Variants in ABL2 observed in about 807,000 individuals in gnomAD.
ABL2 encodes ABL proto-oncogene 2, non-receptor tyrosine kinase, also known as tyrosine-protein kinase ABL2.
In ABL2, 49 loss-of-function variants were observed where a neutral mutation model predicts 107.7. The observed-to-expected ratio is 0.45, with a 90% CI of 0.36 to 0.58. The LOEUF is 0.58. ABL2 is among the 20% of genes least tolerant of loss of function. The probability of loss-of-function intolerance (pLI) is 0.00; values close to 1 mark genes in which losing one functional copy is unlikely to be tolerated. For synonymous variants in ABL2, 549 were observed against 548.6 expected, an observed-to-expected ratio of 1.00 and a Z score of -0.01; for missense variants, 1,245 against 1,457.0, an observed-to-expected ratio of 0.85 and a Z score of 2.37.
At chr1:179,127,074 G>A (rs1050588383) in intron 3 of ABL2, among the ~76,000 whole-genome samples, 2 of 152,094 alleles carry the variant, frequency 1.3e-5, no homozygotes, top group African/African-American at 4.8e-5. Flanking sequence ...TCTTATATAT[G>A]ATTCAATGTT....
chr1:179,143,165 G>C, intron 1 of ABL2: 1 of 1,299,218 alleles, frequency 7.7e-7, no homozygotes, highest in Non-Finnish European at 1.0e-6. Context: ...AGTGGCCAGA[G>C]GGAACCAATA....
intron 1 of ABL2, among the ~76,000 whole-genome samples, chr1:179,153,675 C>T (rs1313824304): frequency 6.6e-6 from 1 of 151,994 alleles, no homozygotes. Flanking sequence ...CCAAAAATTC[C>T]CCCCACCTGC....
intron 1 of ABL2, among the ~76,000 whole-genome samples, chr1:179,214,519 CATATATAT>C (rs59744061): frequency 0.11 from 12,940 of 122,102 alleles, 744 homozygotes; most frequent in Non-Finnish European, 0.12. Context: ...TTTAAAATGA[CATATATAT>C]ATATATATAT....
At chr1:179,153,518 T>C (rs1658493846) in intron 1 of ABL2, among the ~76,000 whole-genome samples, 2 of 152,146 alleles carry the variant, frequency 1.3e-5, no homozygotes, top group South Asian at 4.1e-4. Flanking sequence ...CAACCCATCG[T>C]CAAGGCCAGG....
chr1:179,138,873 C>G (rs992686313), intron 1 of ABL2, among the ~76,000 whole-genome samples: 3 of 152,220 alleles, frequency 2.0e-5, no homozygotes, highest in African/African-American at 7.2e-5. Flanking sequence ...GGCTGCCTGC[C>G]GCGCTTGCGG....
chr1:179,121,883 GAA>G lies in ABL2; in HGVS notation c.688-18_688-17del. On this transcript the variant is annotated splice_polypyrimidine_tract_variant and intron_variant, in intron 4 of 11. Transcript: ENST00000502732. ...TCACATACACCTGGTAAGAAAAGGA[GAA>G]AAGCTAAACAACTTGAAAAGAGATT... The G allele has an allele frequency of 7.6e-7, 1 of 1,322,996 alleles. No homozygotes were observed. Among genetic ancestry groups the G allele is most frequent in the Non-Finnish European group, 1.0e-6 (1 of 965,716 alleles). The allele number at this position is 1,322,996 out of a possible 1,614,324, so 82.0% of individuals were successfully genotyped here.
At chr1:179,228,234 C>G (rs1317563609) in intron 1 of ABL2, among the ~76,000 whole-genome samples, 1 of 149,526 alleles carries the variant, frequency 6.7e-6, no homozygotes, top group Non-Finnish European at 1.5e-5. Flanking sequence ...GCAGTTCCAG[C>G]TACTCGGGAG....
intron 1 of ABL2, among the ~76,000 whole-genome samples, chr1:179,159,855 T>G (rs1658956312): frequency 2.0e-5 from 3 of 152,228 alleles, no homozygotes; most frequent in Admixed American, 6.5e-5. Flanking sequence ...GCCTCATGCC[T>G]GTAATCCCAG....
At chr1:179,210,520 A>AAAAAAAG (rs1662212126) in intron 1 of ABL2, among the ~76,000 whole-genome samples, 3 of 146,458 alleles carry the variant, frequency 2.0e-5, no homozygotes, top group African/African-American at 7.7e-5. Context: ...AAAAAAAAAG[A>AAAAAAAG]AAAAAAAAAG....
intron 3 of ABL2, among the ~76,000 whole-genome samples, chr1:179,130,483 GTGTTTCACATTC>G (rs1207908674): frequency 2.0e-5 from 3 of 152,184 alleles, no homozygotes; most frequent in Non-Finnish European, 4.4e-5. Flanking sequence ...TAGTAGTTCA[GTGTTTCACATTC>G]TGGCATAAGC....
chr1:179,211,591 T>C (rs1662278108), intron 1 of ABL2, among the ~76,000 whole-genome samples: 1 of 151,834 alleles, frequency 6.6e-6, no homozygotes, highest in South Asian at 2.1e-4. Flanking sequence ...GAAAAACATA[T>C]ACAGGAGAAT....
intron 2 of ABL2, among the ~76,000 whole-genome samples, chr1:179,133,110 G>A (rs1295860380): frequency 6.6e-6 from 1 of 152,036 alleles, no homozygotes; most frequent in Non-Finnish European, 1.5e-5. Flanking sequence ...GCCCGCCTTG[G>A]CCTCCCAAAG....
At chr1:179,140,456 CCAAA>C (rs949283878) in intron 1 of ABL2, among the ~76,000 whole-genome samples, 6 of 152,194 alleles carry the variant, frequency 3.9e-5, no homozygotes, top group Non-Finnish European at 8.8e-5. Flanking sequence ...CTTATTACCA[CCAAA>C]CATAGTGTAT....
chr1:179,142,798 A>G (rs1193662534), intron 1 of ABL2: 1 of 986,198 alleles, frequency 1.0e-6, no homozygotes, highest in Non-Finnish European at 1.5e-6. Flanking sequence ...TTCCCCCAAG[A>G]AAGCACACAA....
chr1:179,182,891 T>C (rs1557981058), intron 1 of ABL2, among the ~76,000 whole-genome samples: 1 of 152,260 alleles, frequency 6.6e-6, no homozygotes, highest in East Asian at 1.9e-4. Context: ...TTATGGAATA[T>C]TTTAGGATAC....
intron 3 of ABL2, among the ~76,000 whole-genome samples, chr1:179,130,768 G>A (rs903037449): frequency 1.7e-4 from 24 of 142,772 alleles, no homozygotes; most frequent in African/African-American, 5.7e-4. Flanking sequence ...GTGTGTGTAC[G>A]CACACACGCA....
At chr1:179,216,719 T>C (rs936292496) in intron 1 of ABL2, among the ~76,000 whole-genome samples, 3 of 133,696 alleles carry the variant, frequency 2.2e-5, no homozygotes, top group Admixed American at 1.5e-4. Context: ...ACACAGATTC[T>C]TTTTTTTTTT....
intron 10 of ABL2, among the ~76,000 whole-genome samples, chr1:179,111,075 C>T (rs936842030): frequency 2.7e-5 from 4 of 149,486 alleles, no homozygotes; most frequent in Non-Finnish European, 4.4e-5. Flanking sequence ...CCTCTGCCTC[C>T]GATGTTCAAA....
intron 1 of ABL2, among the ~76,000 whole-genome samples, chr1:179,184,887 C>T (rs1242062601): frequency 6.6e-6 from 1 of 152,072 alleles, no homozygotes; most frequent in African/African-American, 2.4e-5. Context: ...AGAGTCTCTA[C>T]CCCTTTCTGT....
Sources: gnomAD v4.1 joint callset for allele counts (sites outside exome capture counted in the v4.1 genomes callset) on GRCh38, gnomAD v4.1.1 for gene constraint, MANE v1.5 for transcripts, NCBI Gene and HGNC (gene_info 2026-07-23, HGNC 2026-07-21) for gene names.